MDGA2: variants seen among roughly 807,000 people sequenced by gnomAD.
The protein encoded by MDGA2 is MAM domain containing glycosylphosphatidylinositol anchor 2.
In MDGA2, 40 loss-of-function variants were observed where a neutral mutation model predicts 117.8. That is an observed-to-expected ratio of 0.34 (90% confidence interval 0.26 to 0.44). The LOEUF is 0.44. MDGA2 is among the 20% of genes least tolerant of loss of function. MDGA2 has a pLI of 1.00. For synonymous variants in MDGA2, 452 were observed against 439.0 expected, an observed-to-expected ratio of 1.03 and a Z score of -0.37; for missense variants, 1,123 against 1,250.6, an observed-to-expected ratio of 0.90 and a Z score of 1.54.
chr14:47,552,790 ATC>A (rs1029047475), intron 1 of MDGA2, among the ~76,000 whole-genome samples: 1 of 141,348 alleles, frequency 7.1e-6, no homozygotes, highest in African/African-American at 2.6e-5. Context: ...GCACAATAAC[ATC>A]TCTTACTACC....
chr14:46,957,961 CCT>C (rs1885630985), intron 8 of MDGA2, among the ~76,000 whole-genome samples: 1 of 152,138 alleles, frequency 6.6e-6, no homozygotes, highest in Non-Finnish European at 1.5e-5. Context: ...TCAATATATT[CCT>C]TTTTTGTTTG....
intron 5 of MDGA2, among the ~76,000 whole-genome samples, chr14:47,100,727 C>T (rs879707620): frequency 2.6e-5 from 4 of 151,902 alleles, no homozygotes; most frequent in Admixed American, 2.0e-4. Context: ...AGGTGAAATA[C>T]GTAAAGTAAA....
At chr14:47,090,077 G>C (rs898365619) in intron 6 of MDGA2, among the ~76,000 whole-genome samples, 2 of 151,900 alleles carry the variant, frequency 1.3e-5, no homozygotes, top group Non-Finnish European at 2.9e-5. Context: ...AGATAATTTA[G>C]AAATATTAGC....
intron 1 of MDGA2, among the ~76,000 whole-genome samples, chr14:47,564,866 G>A (rs1479303010): frequency 6.6e-6 from 1 of 152,112 alleles, no homozygotes; most frequent in African/African-American, 2.4e-5. Flanking sequence ...TGGTCTTCAA[G>A]CTCTGAGATT....
chr14:47,391,012 A>G (rs1891881828), intron 1 of MDGA2, among the ~76,000 whole-genome samples: 1 of 152,122 alleles, frequency 6.6e-6, no homozygotes, highest in Non-Finnish European at 1.5e-5. Context: ...GCATATTTAC[A>G]ATGTAACACA....
chr14:46,990,472 G>GA (rs1313246772), intron 8 of MDGA2, among the ~76,000 whole-genome samples: 2 of 151,676 alleles, frequency 1.3e-5, no homozygotes, highest in Non-Finnish European at 2.9e-5. Context: ...TCTTTAACAA[G>GA]AAAAAAATGT....
chr14:47,341,569 C>T lies in MDGA2; in HGVS notation c.281-40019G>A, dbSNP rs545936061. ...AAGAAAATCTGAAAATAGGAAGTTA[C>T]TTCAATGCAAATAATATTTTCTTTG... On this transcript the variant is annotated intron_variant, in intron 1 of 16. Coordinates refer to ENST00000399232, the MANE Select transcript of MDGA2 (RefSeq NM_001113498.3). 1.2e-4 allele frequency among the ~76,000 whole-genome samples: 19 copies of T among 152,228 alleles called. No homozygotes were observed. The East Asian group carries it at 3.3e-3, about 26-fold the overall frequency.
intron 1 of MDGA2, among the ~76,000 whole-genome samples, chr14:47,381,095 A>G: frequency 6.6e-6 from 1 of 152,228 alleles, no homozygotes; most frequent in Non-Finnish European, 1.5e-5. Flanking sequence ...TATAAACAGA[A>G]CCAAAGACAA....
chr14:47,488,368 G>A (rs1046919821), intron 1 of MDGA2, among the ~76,000 whole-genome samples: 5 of 152,190 alleles, frequency 3.3e-5, no homozygotes, highest in African/African-American at 1.2e-4. Context: ...TTTTGTTCAT[G>A]CACCAGATTC....
intron 1 of MDGA2, among the ~76,000 whole-genome samples, chr14:47,426,452 C>T (rs958897096): frequency 2.6e-5 from 4 of 151,712 alleles, no homozygotes; most frequent in African/African-American, 9.7e-5. Context: ...TTTGACACCA[C>T]AAGATGATCT....
At chr14:47,109,006 G>C (rs1299040201) in intron 5 of MDGA2, among the ~76,000 whole-genome samples, 1 of 152,166 alleles carries the variant, frequency 6.6e-6, no homozygotes, top group East Asian at 1.9e-4. Context: ...ATCCTTTACT[G>C]TTCTTTCCAA....
intron 3 of MDGA2, among the ~76,000 whole-genome samples, chr14:47,190,686 C>T (rs1043566533): frequency 5.9e-5 from 9 of 152,016 alleles, no homozygotes; most frequent in African/African-American, 1.9e-4. Flanking sequence ...ATAAATTATT[C>T]GGTATTTTTC....
At chr14:47,651,761 G>A (rs1179757050) in intron 1 of MDGA2, among the ~76,000 whole-genome samples, 1 of 152,110 alleles carries the variant, frequency 6.6e-6, no homozygotes, top group East Asian at 1.9e-4. Flanking sequence ...GATCTATTTT[G>A]CAGAACTGCT....
At chr14:47,253,804 G>A (rs1887526259) in intron 2 of MDGA2, among the ~76,000 whole-genome samples, 1 of 152,242 alleles carries the variant, frequency 6.6e-6, no homozygotes, top group East Asian at 1.9e-4. Context: ...GCCTAGCAGA[G>A]GTTCTCCATG....
chr14:47,452,028 T>C (rs1228853618), intron 1 of MDGA2, among the ~76,000 whole-genome samples: 2 of 152,116 alleles, frequency 1.3e-5, no homozygotes, highest in African/African-American at 4.8e-5. Context: ...ATGGTGCACA[T>C]TTTCAAGGGC....
At chr14:47,326,871 A>G (rs577192875) in intron 1 of MDGA2, among the ~76,000 whole-genome samples, 60 of 152,290 alleles carry the variant, frequency 3.9e-4, no homozygotes, top group African/African-American at 1.4e-3. Context: ...CATTAATTTT[A>G]TTTCATTGAA....
intron 1 of MDGA2, among the ~76,000 whole-genome samples, chr14:47,351,107 T>C (rs34872348): frequency 0.088 from 11,648 of 131,950 alleles, 641 homozygotes; most frequent in Middle Eastern, 0.14. Context: ...AAACGAAGTG[T>C]TGCTCTTGTC....
At chr14:47,408,607 A>T (rs928014024) in intron 1 of MDGA2, among the ~76,000 whole-genome samples, 4 of 152,212 alleles carry the variant, frequency 2.6e-5, no homozygotes, top group Non-Finnish European at 5.9e-5. Context: ...AAACCTCCAC[A>T]AAGTTTTATC....
chr14:47,344,635 C>T (rs531172816), intron 1 of MDGA2, among the ~76,000 whole-genome samples: 1 of 151,980 alleles, frequency 6.6e-6, no homozygotes, highest in Non-Finnish European at 1.5e-5. Flanking sequence ...GGTCCCTTGG[C>T]TCCATGAGAG....
Sources: allele counts gnomAD v4.1 joint callset (sites outside exome capture counted in the v4.1 genomes callset), GRCh38; gene constraint gnomAD v4.1.1; transcripts MANE v1.5; gene names NCBI Gene and HGNC (gene_info 2026-07-23, HGNC 2026-07-21).